Variants in MCF2 observed in about 807,000 individuals in gnomAD.
MCF2 encodes the protein MCF.2 cell line derived transforming sequence.
Under a neutral mutation model 82.5 loss-of-function variants are expected in MCF2, and 44 were observed. That is an observed-to-expected ratio of 0.53 (90% CI 0.42 to 0.69). The LOEUF (loss-of-function observed/expected upper bound fraction) is 0.69, where lower values mean the gene tolerates loss of function less well. MCF2 is among the 30% of genes least tolerant of loss of function. The pLI is 0.00. For missense variants in MCF2, 623 were observed against 663.1 expected, an observed-to-expected ratio of 0.94 and a Z score of 0.66; for synonymous variants, 217 against 224.9, an observed-to-expected ratio of 0.96 and a Z score of 0.32.
chrX:139,632,775 TA>T (rs1268518900), intron 1 of MCF2, among the ~76,000 whole-genome samples: 9 of 111,663 alleles, frequency 8.1e-5, no homozygotes, highest in Non-Finnish European at 1.5e-4. Context: ...TTATTTCCTA[TA>T]AAAACAAATA....
intron 1 of MCF2, among the ~76,000 whole-genome samples, chrX:139,659,324 T>A (rs549689742): frequency 3.4e-4 from 38 of 110,716 alleles, no homozygotes; most frequent in African/African-American, 1.1e-3. Flanking sequence ...AAAAAAAAAC[T>A]ATTTCTCTGA....
At chrX:139,604,687 C>T (rs752822459) in exon 15 of MCF2, 2 of 1,176,105 alleles carry the variant, frequency 1.7e-6, no homozygotes, top group African/African-American at 1.8e-5. Context: ...TAACCCTTTC[C>T]AGGAAACAAG....
intron 19 of MCF2, among the ~76,000 whole-genome samples, chrX:139,591,668 A>G (rs1300532697): frequency 9.1e-6 from 1 of 110,423 alleles, no homozygotes; most frequent in Non-Finnish European, 1.9e-5. Flanking sequence ...TGTATGGTGC[A>G]GTCAAAACAA....
chrX:139,630,422 G>A (rs985909157), intron 3 of MCF2, among the ~76,000 whole-genome samples: 12 of 111,711 alleles, frequency 1.1e-4, no homozygotes, highest in East Asian at 8.5e-4. Flanking sequence ...GGTAAGTACG[G>A]TTTTGTTGTT....
At chrX:139,600,625 G>C (rs1930471511) in intron 16 of MCF2, among the ~76,000 whole-genome samples, 1 of 111,782 alleles carries the variant, frequency 8.9e-6, no homozygotes, top group Admixed American at 9.6e-5. Context: ...AGCAGTTCAA[G>C]GAATCTGACC....
Position 139,605,308 on chromosome X carries a change from G to A in MCF2, c.1558-324C>T, listed in dbSNP as rs755879685. 4.5e-5 allele frequency among the ~76,000 whole-genome samples: 5 copies of A among 110,616 alleles called. No individual in the cohort carries two copies. In the South Asian group the frequency reaches 1.9e-3, roughly 43 times the overall value. On this transcript the variant is annotated intron_variant, in intron 13 of 24. Transcript: ENST00000370576. ...ACCAAGATAAAAACATAGACTACAGGTCATCAGCTTCTCCTTAAATTGGCA... is the reference window on the plus strand; with the variant it reads ...ACCAAGATAAAAACATAGACTACAGATCATCAGCTTCTCCTTAAATTGGCA...
At chrX:139,650,386 G>A (rs1335285116) in intron 2 of MCF2, among the ~76,000 whole-genome samples, 3 of 111,225 alleles carry the variant, frequency 2.7e-5, no homozygotes, top group African/African-American at 6.5e-5. Context: ...AAAAGCAGAG[G>A]CCAGATTGAA....
At chrX:139,648,244 C>T (rs1032996174) in intron 2 of MCF2, among the ~76,000 whole-genome samples, 6 of 109,519 alleles carry the variant, frequency 5.5e-5, no homozygotes, top group Non-Finnish European at 9.5e-5. Flanking sequence ...TGGTGGTGCA[C>T]GCCTGTAATC....
intron 21 of MCF2, 79 bp from the exon 26 acceptor site, chrX:139,587,867 TCACACACA>T (rs3830799): frequency 8.1e-5 from 38 of 467,582 alleles, no homozygotes; most frequent in East Asian, 5.9e-4. Context: ...TTTCTCTCTC[TCACACACA>T]CACACACACA....
intron 2 of MCF2, among the ~76,000 whole-genome samples, chrX:139,632,025 A>C (rs1054909341): frequency 1.8e-5 from 2 of 111,490 alleles, no homozygotes; most frequent in African/African-American, 3.3e-5. Flanking sequence ...CTAAAAATAA[A>C]ATTTCCTGCT....
At chrX:139,588,633 C>T (rs1236716611) in intron 20 of MCF2, among the ~76,000 whole-genome samples, 195 bp from the exon 25 acceptor site, 1 of 110,741 alleles carries the variant, frequency 9.0e-6, no homozygotes, top group Non-Finnish European at 1.9e-5. Context: ...TGAAATAATA[C>T]AGTCAGAACC....
intron 1 of MCF2, among the ~76,000 whole-genome samples, chrX:139,673,554 T>C (rs1217518688): frequency 8.9e-6 from 1 of 112,203 alleles, no homozygotes; most frequent in Non-Finnish European, 1.9e-5. Flanking sequence ...TCTTTATTTC[T>C]GCCTTCATTT....
chrX:139,674,664 G>T (rs968541234), intron 1 of MCF2, among the ~76,000 whole-genome samples: 1 of 112,045 alleles, frequency 8.9e-6, no homozygotes, highest in Non-Finnish European at 1.9e-5. Context: ...AGTCTCCTCT[G>T]GCTGGTAGAG....
chrX:139,696,244 A>T (rs1239684209), intron 1 of MCF2, among the ~76,000 whole-genome samples: 3 of 110,137 alleles, frequency 2.7e-5, no homozygotes, highest in African/African-American at 9.9e-5. Flanking sequence ...GAATTTGAGT[A>T]AGAGGGAATA....
chrX:139,611,893 G>A (rs774449044), intron 10 of MCF2, among the ~76,000 whole-genome samples: 1 of 110,709 alleles, frequency 9.0e-6, no homozygotes, highest in South Asian at 3.8e-4. Flanking sequence ...CTAACATGTG[G>A]GAAAGGGAGA....
upstream of MCF2, chrX:139,642,917 G>A: frequency 1.5e-6 from 1 of 666,936 alleles, no homozygotes; most frequent in Non-Finnish European, 1.8e-6. Context: ...TTTCTCCTCT[G>A]CGCAGTTTGA....
At chrX:139,610,765 G>A (rs936356909) in intron 10 of MCF2, among the ~76,000 whole-genome samples, 10 of 111,597 alleles carry the variant, frequency 9.0e-5, no homozygotes, top group African/African-American at 2.9e-4. Flanking sequence ...TCTACATATT[G>A]AGCACTGTTC....
intron 6 of MCF2, among the ~76,000 whole-genome samples, chrX:139,620,027 G>GTGTGTGTGTGTA (rs1308473149): frequency 7.0e-5 from 7 of 100,386 alleles, no homozygotes; most frequent in African/African-American, 2.8e-4. Context: ...GTGTGTGTGT[G>GTGTGTGTGTGTA]TATATATATA....
At chrX:139,626,156 A>G in intron 6 of MCF2, 37 bp downstream of exon 9, 1 of 896,154 alleles carries the variant, frequency 1.1e-6, no homozygotes. Context: ...CCTCTGGTGT[A>G]ATGAAAAAAG....
Sources: gnomAD v4.1 joint callset for allele counts (sites outside exome capture counted in the v4.1 genomes callset) on GRCh38, gnomAD v4.1.1 for gene constraint, MANE v1.5 for transcripts, NCBI Gene and HGNC (gene_info 2026-07-23, HGNC 2026-07-21) for gene names.